The following ABLIM2 variants were observed in gnomAD, a reference collection of about 807,000 sequenced individuals.
The protein encoded by ABLIM2 is actin-binding LIM protein 2.
Under a neutral mutation model 97.7 loss-of-function variants are expected in ABLIM2, and 53 were observed. The observed-to-expected ratio is 0.54, with a 90% confidence interval of 0.44 to 0.68. The LOEUF (loss-of-function observed/expected upper bound fraction) is 0.68. Ranked by LOEUF, ABLIM2 falls within the 30% of genes least tolerant of loss-of-function variation. The pLI is 0.00. For synonymous variants in ABLIM2, 361 were observed against 345.8 expected, an observed-to-expected ratio of 1.04 and a Z score of -0.49; for missense variants, 835 against 867.2, an observed-to-expected ratio of 0.96 and a Z score of 0.47.
chr4:8,073,079 G>A (rs1473983286), intron 6 of ABLIM2, among the ~76,000 whole-genome samples: 2 of 151,846 alleles, frequency 1.3e-5, no homozygotes, highest in African/African-American at 2.4e-5. Context: ...TTTAACGGGA[G>A]AGATGAACAC....
At chr4:8,111,676 C>T (rs970765024) in intron 1 of ABLIM2, among the ~76,000 whole-genome samples, 1 of 152,158 alleles carries the variant, frequency 6.6e-6, no homozygotes, top group Non-Finnish European at 1.5e-5. Context: ...CCTGTAATCC[C>T]AGCACTTTGG....
intron 8 of ABLIM2, among the ~76,000 whole-genome samples, chr4:8,053,287 C>G (rs1231166529): frequency 6.6e-6 from 1 of 152,204 alleles, no homozygotes; most frequent in African/African-American, 2.4e-5. Context: ...CCTGCCTTTG[C>G]TTCAAGTTTT....
At chr4:8,007,498 G>A (rs984533187) in intron 16 of ABLIM2, 7 of 985,424 alleles carry the variant, frequency 7.1e-6, no homozygotes, top group South Asian at 4.7e-5. Context: ...TACAGCGGCC[G>A]GAAGCAAACA....
chr4:8,136,275 G>A (rs888848402), intron 1 of ABLIM2, among the ~76,000 whole-genome samples: 2 of 152,192 alleles, frequency 1.3e-5, no homozygotes, highest in Non-Finnish European at 2.9e-5. Context: ...AAGGGTGGGT[G>A]GCAGGGGCCG....
intron 1 of ABLIM2, among the ~76,000 whole-genome samples, chr4:8,133,265 T>C (rs959590277): frequency 2.0e-5 from 3 of 152,210 alleles, no homozygotes; most frequent in South Asian, 4.1e-4. Context: ...TAAGGTCACA[T>C]GCAGAGGGGT....
chr4:8,137,927 G>A lies in ABLIM2; in HGVS notation c.10+20753C>T, dbSNP rs377172765. ...GGCAGAAGCCGCCCAGGTGCCCTCCGGCAAATGAACTGATAAACAAAATGT... is the reference window on the plus strand; with the variant it reads ...GGCAGAAGCCGCCCAGGTGCCCTCCAGCAAATGAACTGATAAACAAAATGT... On this transcript the variant is annotated intron_variant, in intron 1 of 20. Coordinates refer to ENST00000447017, the MANE Select transcript of ABLIM2 (RefSeq NM_001130083.2). Among the ~76,000 whole-genome samples, 16 of 152,336 alleles carry A rather than the reference G, an allele frequency of 1.1e-4. No homozygotes were observed. The East Asian group carries it at 2.7e-3, about 26-fold the overall frequency.
At chr4:8,108,681 C>A (rs528499553) in intron 1 of ABLIM2, among the ~76,000 whole-genome samples, 2 of 152,226 alleles carry the variant, frequency 1.3e-5, no homozygotes, top group African/African-American at 4.8e-5. Flanking sequence ...TTCTGGGAGC[C>A]GCCTCCAGTC....
chr4:8,044,451 ATATACATATGTATATGTATG>A lies in ABLIM2; in HGVS notation c.900+693_900+712del, dbSNP rs1450410684. On this transcript the variant is annotated intron_variant, in intron 9 of 20. Transcript: ENST00000447017. This position sits in a 1 kb window ranked among gnomAD's most constrained non-coding sequence, Gnocchi z 4.4. ...ATACAATATTAAATATTAAATTTAC[ATATACATATGTATATGTATG>A]TATACATATATAAATTTAAATATAC... 6.6e-6 allele frequency among the ~76,000 whole-genome samples: 1 copy of A among 151,954 alleles called. No homozygotes were observed. Among genetic ancestry groups the A allele is most frequent in the African/African-American group, 2.4e-5 (1 of 41,390 alleles).
chr4:8,129,047 G>A (rs1297434453), intron 1 of ABLIM2, among the ~76,000 whole-genome samples: 1 of 151,812 alleles, frequency 6.6e-6, no homozygotes, highest in Non-Finnish European at 1.5e-5. Context: ...TCCCCCAACT[G>A]GGCTGCCAGC....
intron 1 of ABLIM2, among the ~76,000 whole-genome samples, chr4:8,145,646 A>G (rs1851667462): frequency 6.6e-6 from 1 of 151,958 alleles, no homozygotes; most frequent in Non-Finnish European, 1.5e-5. Context: ...ATCTCAGGCC[A>G]GCTCCTAATT....
chr4:7,989,141 C>A (rs531049704), intron 17 of ABLIM2, among the ~76,000 whole-genome samples: 1 of 126,370 alleles, frequency 7.9e-6, no homozygotes, highest in East Asian at 2.6e-4. Context: ...TGCAGTGGAA[C>A]AACTTCAGCA....
In ABLIM2 at chr4:8,054,252, G is replaced by A. The variant is rs1432508796; in HGVS notation, c.764-6C>T. 1 of 1,613,864 alleles carries A rather than the reference G, an allele frequency of 6.2e-7. No individual in the cohort carries two copies. Among genetic ancestry groups the A allele is most frequent in the Non-Finnish European group, 8.5e-7 (1 of 1,179,862 alleles). Reference sequence around the variant, plus strand: ...CGGATGCCAGATGGAGGAACCTGTTGACAAATTCCCAAGAGGGAAATGATT... The same window carrying A: ...CGGATGCCAGATGGAGGAACCTGTTAACAAATTCCCAAGAGGGAAATGATT... On this transcript the variant is annotated splice_region_variant and splice_polypyrimidine_tract_variant and intron_variant, in intron 7 of 20. Transcript: ENST00000447017. This position sits in a 1 kb window ranked among gnomAD's most constrained non-coding sequence, Gnocchi z 4.9.
In ABLIM2 at chr4:8,036,129, C is replaced by G. The variant is rs766487631; in HGVS notation, c.1047+20G>C. The G allele has an allele frequency of 1.9e-6, 3 of 1,612,574 alleles. No homozygotes were observed. The highest frequency in any genetic ancestry group is 2.5e-6 in the Non-Finnish European group (3 of 1,179,236). The stretch of plus-strand genomic sequence containing the variant: ...ACTTGGGGACACAGGTGTCCAGGGC[C>G]ATGTGGGCAGGGTCCATACCTCGCC... On this transcript the variant is annotated intron_variant, in intron 10 of 20. Transcript: ENST00000447017.
At chr4:8,142,552 C>T (rs1212154964) in intron 1 of ABLIM2, among the ~76,000 whole-genome samples, 1 of 152,262 alleles carries the variant, frequency 6.6e-6, no homozygotes, top group Admixed American at 6.5e-5. Context: ...CAGCCCTCTG[C>T]TGCTCTTGAG....
chr4:8,118,166 C>T (rs931137991), intron 1 of ABLIM2, among the ~76,000 whole-genome samples: 6 of 152,200 alleles, frequency 3.9e-5, no homozygotes, highest in South Asian at 2.1e-4. Flanking sequence ...ACTCAGAGGC[C>T]GAGGCTGGAC....
At chr4:8,014,267 CAG>C (rs894896823) in intron 14 of ABLIM2, among the ~76,000 whole-genome samples, 2 of 152,222 alleles carry the variant, frequency 1.3e-5, no homozygotes, top group African/African-American at 4.8e-5. Context: ...TCCCTTAGGC[CAG>C]AGAGAGACGC....
At position 8,140,220 on chromosome 4, in the gene ABLIM2, AC is replaced by A. The variant is rs1489498241; in HGVS notation, c.10+18459del. ...TGGCACACGTTTACCTGTGTAACAA[AC>A]CTGCATGTCCTGCACATGTATCCCA... On this transcript the variant is annotated intron_variant, in intron 1 of 20. Coordinates refer to ENST00000447017, the MANE Select transcript of ABLIM2 (RefSeq NM_001130083.2). The surrounding 1 kb of genome is among the most constrained non-coding windows in gnomAD (Gnocchi z 5.9). Among the ~76,000 whole-genome samples, 2 of 152,148 alleles carry A rather than the reference AC, an allele frequency of 1.3e-5. No homozygotes were observed. The highest frequency in any genetic ancestry group is 2.9e-5 in the Non-Finnish European group (2 of 68,020).
intron 8 of ABLIM2, among the ~76,000 whole-genome samples, chr4:8,051,576 A>G (rs958948016): frequency 2.0e-5 from 3 of 151,356 alleles, no homozygotes; most frequent in Non-Finnish European, 4.4e-5. Context: ...AAAAAAAAAA[A>G]AAAGAAAAGA....
intron 11 of ABLIM2, among the ~76,000 whole-genome samples, chr4:8,028,238 G>GCAAGCTTGGCTCTTGGGTTAGCCTGGGC (rs1455669853): frequency 1.9e-4 from 29 of 152,380 alleles, no homozygotes; most frequent in African/African-American, 6.5e-4. Context: ...CCGGCGAGAT[G>GCAAGCTTGGCTCTTGGGTTAGCCTGGGC]CAAGCTTGGC....
Sources: gnomAD v4.1 joint callset for allele counts (sites outside exome capture counted in the v4.1 genomes callset) on GRCh38, gnomAD v4.1.1 for gene constraint, Gnocchi (gnomAD v3.1) non-coding constraint, MANE v1.5 for transcripts, NCBI Gene and HGNC (gene_info 2026-07-23, HGNC 2026-07-21) for gene names.